Variants in CDH18 observed in about 807,000 individuals in gnomAD.
The protein encoded by CDH18 is cadherin 18.
Under a neutral mutation model 67.9 loss-of-function variants are expected in CDH18, and 31 were observed. The observed-to-expected ratio is 0.46, with a 90% CI of 0.34 to 0.62. The LOEUF is 0.62. Among genes scored for constraint, CDH18 ranks in the 20% least tolerant of loss-of-function variants. The pLI is 0.01. For missense variants in CDH18, 890 were observed against 975.5 expected, an observed-to-expected ratio of 0.91 and a Z score of 1.17; for synonymous variants, 362 against 347.2, an observed-to-expected ratio of 1.04 and a Z score of -0.48.
intron 2 of CDH18, among the ~76,000 whole-genome samples, chr5:20,100,280 A>G (rs1746343211): frequency 6.6e-6 from 1 of 152,176 alleles, no homozygotes; most frequent in Admixed American, 6.5e-5. Flanking sequence ...TTTATCTAAT[A>G]TACCATATTT....
chr5:19,838,308 ATG>A (rs1781896619), intron 3 of CDH18, among the ~76,000 whole-genome samples: 1 of 152,184 alleles, frequency 6.6e-6, no homozygotes, highest in African/African-American at 2.4e-5. Context: ...ATTAGAAAAT[ATG>A]TGTGATGTTT....
rs559285934 is a variant in CDH18 at position 19,743,000 on chromosome 5, C to A, written c.523+3942G>T. Among the ~76,000 whole-genome samples, 11 of 152,022 alleles carry A rather than the reference C, an allele frequency of 7.2e-5. No individual in the cohort carries two copies. The East Asian group carries it at 1.7e-3, about 24-fold the overall frequency. On this transcript the variant is annotated intron_variant, in intron 4 of 12. Coordinates refer to ENST00000382275, the MANE Select transcript of CDH18 (RefSeq NM_004934.5). Reference sequence around the variant, plus strand: ...TTAGAACCACTTATTCCTTTCATACCAAATAAAGCCACAACCTAGTGTTTA... The same window carrying A: ...TTAGAACCACTTATTCCTTTCATACAAAATAAAGCCACAACCTAGTGTTTA...
chr5:19,837,772 T>A (rs1345693180), intron 3 of CDH18, among the ~76,000 whole-genome samples: 1 of 148,984 alleles, frequency 6.7e-6, no homozygotes, highest in East Asian at 2.0e-4. Context: ...TTTTTTTTAG[T>A]ACTAACAGTG....
chr5:20,022,817 TATGAATA>T (rs1738546904), intron 2 of CDH18, among the ~76,000 whole-genome samples: 1 of 152,198 alleles, frequency 6.6e-6, no homozygotes, highest in Non-Finnish European at 1.5e-5. Flanking sequence ...GGAAAAATAT[TATGAATA>T]TGTAATTGAC....
chr5:20,539,089 A>G (rs1756905330), intron 1 of CDH18, among the ~76,000 whole-genome samples: 1 of 151,750 alleles, frequency 6.6e-6, no homozygotes, highest in African/African-American at 2.4e-5. Flanking sequence ...GAGTTTCACC[A>G]TGTTGGCCAC....
intron 5 of CDH18, among the ~76,000 whole-genome samples, chr5:19,700,348 G>T (rs190736143): frequency 6.6e-6 from 1 of 152,128 alleles, no homozygotes; most frequent in African/African-American, 2.4e-5. Context: ...AAATCATAAC[G>T]TTACAATCTT....
chr5:20,451,917 G>C (rs1455043021), intron 1 of CDH18, among the ~76,000 whole-genome samples: 1 of 152,108 alleles, frequency 6.6e-6, no homozygotes, highest in African/African-American at 2.4e-5. Flanking sequence ...TATATGAACA[G>C]AAAACCATAA....
intron 6 of CDH18, among the ~76,000 whole-genome samples, chr5:19,596,658 AG>A (rs1746218434): frequency 6.6e-6 from 1 of 152,220 alleles, no homozygotes; most frequent in African/African-American, 2.4e-5. Flanking sequence ...GGGTCACAAA[AG>A]ACTCACGGCC....
chr5:20,562,953 A>T (rs935407371), intron 1 of CDH18, among the ~76,000 whole-genome samples: 1 of 151,372 alleles, frequency 6.6e-6, no homozygotes, highest in African/African-American at 2.4e-5. Context: ...ACTTAATGTC[A>T]ATTCTACTGG....
intron 12 of CDH18, among the ~76,000 whole-genome samples, chr5:19,480,543 A>G (rs1252982004): frequency 6.6e-6 from 1 of 151,138 alleles, no homozygotes; most frequent in East Asian, 2.0e-4. Context: ...AAGCCCGACT[A>G]ATTTTTTGTG....
At chr5:20,147,434 A>G (rs1415907673) in intron 2 of CDH18, among the ~76,000 whole-genome samples, 1 of 152,146 alleles carries the variant, frequency 6.6e-6, no homozygotes, top group Non-Finnish European at 1.5e-5. Flanking sequence ...AGATAAATTG[A>G]TTTATTAAAA....
At chr5:20,500,405 A>G (rs573015781) in intron 1 of CDH18, among the ~76,000 whole-genome samples, 1 of 152,272 alleles carries the variant, frequency 6.6e-6, no homozygotes, top group Admixed American at 6.6e-5. Context: ...AAATTCTAAT[A>G]TTTAATATAC....
At chr5:20,499,720 A>G (rs1183843690) in intron 1 of CDH18, among the ~76,000 whole-genome samples, 1 of 152,200 alleles carries the variant, frequency 6.6e-6, no homozygotes, top group Non-Finnish European at 1.5e-5. Context: ...AGACATCAAC[A>G]GTCAACAAAT....
chr5:19,692,808 G>A (rs572973403), intron 5 of CDH18, among the ~76,000 whole-genome samples: 4 of 151,534 alleles, frequency 2.6e-5, no homozygotes, highest in African/African-American at 9.7e-5. Context: ...GATTCATTAT[G>A]TACAACAACA....
At chr5:19,862,966 C>T (rs1366338738) in intron 2 of CDH18, among the ~76,000 whole-genome samples, 1 of 151,872 alleles carries the variant, frequency 6.6e-6, no homozygotes, top group African/African-American at 2.4e-5. Context: ...TGGTCACAGG[C>T]AGAGAGAAAG....
chr5:19,551,877 C>T (rs1737512973), intron 8 of CDH18, among the ~76,000 whole-genome samples: 2 of 152,104 alleles, frequency 1.3e-5, no homozygotes, highest in East Asian at 1.9e-4. Context: ...GCTTAATTCA[C>T]ATAGAGCAAT....
chr5:20,180,339 C>T (rs555970642), intron 2 of CDH18, among the ~76,000 whole-genome samples: 61 of 152,150 alleles, frequency 4.0e-4, no homozygotes, highest in Non-Finnish European at 6.9e-4. Flanking sequence ...ATACTCCCTT[C>T]TGAGAATTTC....
intron 1 of CDH18, among the ~76,000 whole-genome samples, chr5:20,553,397 T>C (rs1221712686): frequency 1.3e-5 from 2 of 152,158 alleles, no homozygotes; most frequent in Admixed American, 1.3e-4. Context: ...CTTCTGTCCT[T>C]ATAACTAAAA....
At chr5:19,620,257 G>C (rs1194098843) in intron 5 of CDH18, among the ~76,000 whole-genome samples, 1 of 152,184 alleles carries the variant, frequency 6.6e-6, no homozygotes, top group African/African-American at 2.4e-5. Context: ...TAGAGAATGT[G>C]AATTAAGAAT....
Sources: gnomAD v4.1 joint callset for allele counts (sites outside exome capture counted in the v4.1 genomes callset) on GRCh38, gnomAD v4.1.1 for gene constraint, MANE v1.5 for transcripts, NCBI Gene and HGNC (gene_info 2026-07-23, HGNC 2026-07-21) for gene names.